RPS6KA3: variants seen among roughly 807,000 people sequenced by gnomAD.
RPS6KA3 encodes ribosomal protein S6 kinase alpha-3.
Under a neutral mutation model 67.2 loss-of-function variants are expected in RPS6KA3, and 4 were observed. That is an observed-to-expected ratio of 0.06 (90% CI 0.03 to 0.14). RPS6KA3 has a LOEUF of 0.14. RPS6KA3 is among the 10% of genes least tolerant of loss of function. The pLI is 1.00. For synonymous variants in RPS6KA3, 182 were observed against 183.7 expected (o/e 0.99, Z 0.07); for missense variants, 204 against 559.0 (o/e 0.36, Z 6.40).
chrX:20,254,209 A>C (rs902091901), intron 1 of RPS6KA3, among the ~76,000 whole-genome samples: 1 of 112,035 alleles, frequency 8.9e-6, no homozygotes, highest in African/African-American at 3.2e-5. Flanking sequence ...CTGTTGACTT[A>C]TATTTAATTT....
intron 1 of RPS6KA3, among the ~76,000 whole-genome samples, chrX:20,252,515 C>T (rs912671538): frequency 1.8e-5 from 2 of 109,925 alleles, no homozygotes; most frequent in Non-Finnish European, 3.8e-5. Flanking sequence ...AAAAGTGGAG[C>T]AATGACTCAC....
intron 10 of RPS6KA3, among the ~76,000 whole-genome samples, chrX:20,185,437 A>G (rs2067957243): frequency 9.0e-6 from 1 of 110,950 alleles, no homozygotes; most frequent in African/African-American, 3.3e-5. Flanking sequence ...CAGTAGAACC[A>G]TCTCAGCTCA....
At position 20,153,208 on chromosome X, in the gene RPS6KA3, T is replaced by C. The variant is rs868675913; in HGVS notation, c.*2190A>G. ...ACAATAATTTGAGATGACCAAAGTT[T>C]GAAACACTGAATAGAGGAGGGAAAA... On this transcript the variant is annotated 3_prime_UTR_variant, in exon 22 of 22. Coordinates refer to ENST00000379565, the MANE Select transcript of RPS6KA3 (RefSeq NM_004586.3). The C allele has an allele frequency of 1.8e-5, 2 of 111,991 alleles. No individual in the cohort carries two copies. The highest frequency in any genetic ancestry group is 3.8e-5 in the Non-Finnish European group (2 of 53,197). The allele number at this position is 111,991 out of a possible 1,213,427, so 9.2% of individuals were successfully genotyped here.
intron 10 of RPS6KA3, among the ~76,000 whole-genome samples, chrX:20,185,144 G>A (rs1269323283): frequency 3.6e-5 from 4 of 110,929 alleles, no homozygotes; most frequent in East Asian, 2.8e-4. Flanking sequence ...ACAGGGTTTC[G>A]CCATGTTGGC....
chrX:20,165,166 C>CAT, intron 17 of RPS6KA3, 106 bp from the exon 18 acceptor site: 1 of 603,890 alleles, frequency 1.7e-6, no homozygotes, highest in African/African-American at 2.2e-5. Flanking sequence ...ATGATGAGTG[C>CAT]TGACCTTTAA....
chrX:20,192,696 G>T (rs1603426107), intron 7 of RPS6KA3, among the ~76,000 whole-genome samples: 1 of 97,957 alleles, frequency 1.0e-5, no homozygotes, highest in Non-Finnish European at 2.0e-5. Context: ...GATGCCCCAA[G>T]CTCAAGCAAT....
chrX:20,263,938 G>A (rs189854761), intron 1 of RPS6KA3, among the ~76,000 whole-genome samples: 2 of 111,077 alleles, frequency 1.8e-5, no homozygotes, highest in East Asian at 5.6e-4. Flanking sequence ...GAAATATTTT[G>A]ATGTATTCAC....
At chrX:20,166,175 C>T (rs2067431449) in intron 17 of RPS6KA3, among the ~76,000 whole-genome samples, 1 of 112,157 alleles carries the variant, frequency 8.9e-6, no homozygotes, top group South Asian at 3.7e-4. Flanking sequence ...TCATAAGCTT[C>T]TCTGACATTC....
At chrX:20,259,000 T>C (rs1476014424) in intron 1 of RPS6KA3, among the ~76,000 whole-genome samples, 2 of 111,601 alleles carry the variant, frequency 1.8e-5, no homozygotes, top group African/African-American at 6.5e-5. Context: ...GGGCAGGTAA[T>C]GTCAGCAATT....
chrX:20,245,454 C>A (rs915514407), intron 1 of RPS6KA3, among the ~76,000 whole-genome samples: 9 of 111,326 alleles, frequency 8.1e-5, no homozygotes, highest in Non-Finnish European at 1.5e-4. Context: ...ACTCACTGTA[C>A]GAATGTTGTC....
chrX:20,266,164 A>C, intron 1 of RPS6KA3: 1 of 134,458 alleles, frequency 7.4e-6, no homozygotes. Context: ...CCCGATCCCT[A>C]CCCCTCCCTC....
chrX:20,211,557 A>G (rs55742497), intron 2 of RPS6KA3, among the ~76,000 whole-genome samples: 2,711 of 110,703 alleles, frequency 0.024, 81 homozygotes, highest in African/African-American at 0.079. Context: ...AAACAAAAAA[A>G]AAAAACCAAA....
chrX:20,260,781 G>A (rs1350391706), intron 1 of RPS6KA3, among the ~76,000 whole-genome samples: 1 of 111,317 alleles, frequency 9.0e-6, no homozygotes, highest in Non-Finnish European at 1.9e-5. Context: ...ACTCTATGAG[G>A]TAGACATTAT....
At chrX:20,167,891 G>A (rs1036838144) in intron 16 of RPS6KA3, 144 bp from the exon 17 acceptor site, 32 of 463,697 alleles carry the variant, frequency 6.9e-5, no homozygotes, top group South Asian at 2.6e-4. Context: ...AGACTCTGTC[G>A]CCCAGGAGTG....
intron 4 of RPS6KA3, among the ~76,000 whole-genome samples, chrX:20,198,551 A>G (rs1293379202): frequency 8.9e-6 from 1 of 112,186 alleles, no homozygotes; most frequent in Non-Finnish European, 1.9e-5. Context: ...GGGAGCAAAG[A>G]TAATATGGCA....
At chrX:20,164,534 G>A (rs2067389037) in intron 18 of RPS6KA3, among the ~76,000 whole-genome samples, 1 of 108,902 alleles carries the variant, frequency 9.2e-6, no homozygotes, top group Non-Finnish European at 1.9e-5. Flanking sequence ...CTACAGGCAC[G>A]CCACCATGCC....
chrX:20,257,113 C>G (rs1032762920), intron 1 of RPS6KA3, among the ~76,000 whole-genome samples: 11 of 112,000 alleles, frequency 9.8e-5, no homozygotes, highest in African/African-American at 3.6e-4. Context: ...GTTTCCTCAT[C>G]TGTAAGTTGA....
chrX:20,196,464 T>C (rs1480629413), intron 4 of RPS6KA3, among the ~76,000 whole-genome samples: 11 of 112,402 alleles, frequency 9.8e-5, no homozygotes, highest in Non-Finnish European at 1.9e-5. Context: ...TTCTAAGTAC[T>C]CTGAATGGTT....
chrX:20,211,647 CTCT>C (rs376238846), intron 2 of RPS6KA3, among the ~76,000 whole-genome samples: 1 of 111,120 alleles, frequency 9.0e-6, no homozygotes. Context: ...TAAAGAAGTT[CTCT>C]TCTTTTCTTT....
Sources: gnomAD v4.1 joint callset for allele counts (sites outside exome capture counted in the v4.1 genomes callset) on GRCh38, gnomAD v4.1.1 for gene constraint, MANE v1.5 for transcripts, NCBI Gene and HGNC (gene_info 2026-07-23, HGNC 2026-07-21) for gene names.